The following PCSK5 variants were observed in gnomAD, a reference collection of about 807,000 sequenced individuals.
PCSK5 encodes proprotein convertase subtilisin/kexin type 5.
Under a neutral mutation model 233.2 loss-of-function variants are expected in PCSK5, and 129 were observed. That is an observed-to-expected ratio of 0.55 (90% confidence interval 0.48 to 0.64). The LOEUF is 0.64. Ranked by LOEUF, PCSK5 falls within the 30% of genes least tolerant of loss-of-function variation. The pLI is 0.00. For missense variants in PCSK5, 2,076 were observed against 2,430.1 expected, an observed-to-expected ratio of 0.85 and a Z score of 3.06; for synonymous variants, 825 against 879.2, an observed-to-expected ratio of 0.94 and a Z score of 1.09.
intron 36 of PCSK5, among the ~76,000 whole-genome samples, chr9:76,353,358 C>T (rs1380549502): frequency 6.6e-6 from 1 of 152,196 alleles, no homozygotes; most frequent in African/African-American, 2.4e-5. Flanking sequence ...AGCTACACAG[C>T]CACAACCTAT....
chr9:76,343,082 G>A (rs1456308027), intron 35 of PCSK5, among the ~76,000 whole-genome samples: 1 of 151,766 alleles, frequency 6.6e-6, no homozygotes. Context: ...TCTTCCATAT[G>A]CTCTTAGACT....
chr9:75,960,904 A>G (rs1825325009), intron 2 of PCSK5, among the ~76,000 whole-genome samples: 1 of 152,214 alleles, frequency 6.6e-6, no homozygotes, highest in African/African-American at 2.4e-5. Flanking sequence ...TACCCTGTAC[A>G]GTGATGAAGA....
intron 2 of PCSK5, 116 bp downstream of exon 2, chr9:75,932,599 A>G: frequency 2.9e-6 from 2 of 686,078 alleles, no homozygotes; most frequent in South Asian, 1.8e-5. Flanking sequence ...GAACTGTCAT[A>G]TTATCCTTTG....
Position 75,968,896 on chromosome 9 carries a change from C to T in PCSK5, c.298-17236C>T, listed in dbSNP as rs1025788743. 2.6e-5 allele frequency among the ~76,000 whole-genome samples: 4 copies of T among 152,088 alleles called. No individual in the cohort carries two copies. The East Asian group carries it at 7.7e-4, about 29-fold the overall frequency. Reference sequence around the variant, plus strand: ...CTTGATTATTTATCATCATAGATGTCGTTATGTACATTACCTACTTGTTTT... The same window carrying T: ...CTTGATTATTTATCATCATAGATGTTGTTATGTACATTACCTACTTGTTTT... On this transcript the variant is annotated intron_variant, in intron 2 of 37. Transcript: ENST00000674117.
intron 20 of PCSK5, among the ~76,000 whole-genome samples, chr9:76,224,624 T>C (rs1484670816): frequency 6.6e-6 from 1 of 152,140 alleles, no homozygotes; most frequent in Non-Finnish European, 1.5e-5. Context: ...ACTTATAGTA[T>C]GGCATAAGAA....
chr9:76,066,194 T>C (rs1830281390), intron 5 of PCSK5, among the ~76,000 whole-genome samples: 1 of 152,216 alleles, frequency 6.6e-6, no homozygotes, highest in African/African-American at 2.4e-5. Context: ...TTGATAGGGA[T>C]TGCATTGAAT....
At position 76,071,978 on chromosome 9, in the gene PCSK5, G is replaced by A. The variant is rs568242262; in HGVS notation, c.894+80G>A. Reference sequence around the variant, plus strand: ...ATGAAGAATCTATGGGTTTCCAGCTGCAGTCTAGAGAACTGGATGGAGCTC... The same window carrying A: ...ATGAAGAATCTATGGGTTTCCAGCTACAGTCTAGAGAACTGGATGGAGCTC... On this transcript the variant is annotated intron_variant, in intron 7 of 37. Transcript: ENST00000674117. 11 of 1,381,224 alleles carry A rather than the reference G, an allele frequency of 8.0e-6. No homozygotes were observed. The East Asian group carries it at 2.4e-4, about 30-fold the overall frequency. The allele number at this position is 1,381,224 out of a possible 1,614,324, so 85.6% of individuals were successfully genotyped here.
chr9:76,099,079 A>G (rs567865139), intron 8 of PCSK5, among the ~76,000 whole-genome samples: 3 of 152,226 alleles, frequency 2.0e-5, no homozygotes, highest in Non-Finnish European at 4.4e-5. Context: ...GACTCACTCT[A>G]TGTATTTAAC....
chr9:76,012,995 C>T (rs923291046), intron 3 of PCSK5, among the ~76,000 whole-genome samples: 24 of 152,018 alleles, frequency 1.6e-4, no homozygotes, highest in African/African-American at 5.8e-4. Flanking sequence ...CCAGTAATCT[C>T]GTAGATCTAG....
At chr9:76,109,427 C>G (rs1056944326) in intron 9 of PCSK5, among the ~76,000 whole-genome samples, 1 of 68,028 alleles carries the variant, frequency 1.5e-5, no homozygotes, top group Admixed American at 2.0e-4. Flanking sequence ...TACTGTAACA[C>G]TATTATTTTT....
rs554567645 is a variant in PCSK5 at position 76,147,342 on chromosome 9, G to T, written c.1313-9703G>T. 4.6e-5 allele frequency among the ~76,000 whole-genome samples: 7 copies of T among 152,292 alleles called. No individual in the cohort carries two copies. The South Asian group carries it at 1.5e-3, about 32-fold the overall frequency. On this transcript the variant is annotated intron_variant, in intron 10 of 37. Transcript: ENST00000674117. ...AGATACTGACATCATATACTGTGCA[G>T]TCAACTCTCATTTCTTTTGCTCCTG...
At chr9:76,022,134 C>T (rs1026449553) in intron 3 of PCSK5, among the ~76,000 whole-genome samples, 1 of 152,174 alleles carries the variant, frequency 6.6e-6, no homozygotes, top group African/African-American at 2.4e-5. Context: ...TCAGCATTCA[C>T]CATCATATCA....
rs756286790 is a variant in PCSK5, at chr9:76,239,059, A to G, written c.2967A>G (p.Pro989=). 34 of 1,611,476 alleles carry G rather than the reference A, an allele frequency of 2.1e-5. 1 individual carries two copies. The highest frequency in any genetic ancestry group is 1.3e-4 in the African/African-American group (10 of 74,936). The change falls in exon 23 of 38, where the codon CCA becomes CCG. Residue 989 remains proline, a synonymous_variant. Transcript: ENST00000674117. ...AGGGGAACACCTGCCTGCCCTGCCCAGACAACTGTGAGCTTTGCCACAGCG... is the reference window on the plus strand; with the variant it reads ...AGGGGAACACCTGCCTGCCCTGCCCGGACAACTGTGAGCTTTGCCACAGCG... ...ATEGNTCLPC[P]DNCELCHSVH...
At chr9:75,918,205 T>C (rs1319031013) in intron 1 of PCSK5, among the ~76,000 whole-genome samples, 1 of 152,196 alleles carries the variant, frequency 6.6e-6, no homozygotes, top group African/African-American at 2.4e-5. Context: ...TATAGATTGG[T>C]TGGGTATATG....
intron 35 of PCSK5, among the ~76,000 whole-genome samples, chr9:76,347,843 T>C (rs2803405): frequency 0.79 from 120,537 of 151,916 alleles, 49,159 homozygotes; most frequent in East Asian, 0.89. Flanking sequence ...TGGACTGTTC[T>C]CCCTCTTTTA....
chr9:76,033,327 A>G (rs1003299601), intron 5 of PCSK5, among the ~76,000 whole-genome samples: 11 of 152,248 alleles, frequency 7.2e-5, no homozygotes, highest in Admixed American at 2.0e-4. Context: ...TTGGCCAAAT[A>G]TGTTAAGATA....
rs554746372 is a variant in PCSK5, at chr9:76,029,849, G to A, written c.632+2812G>A. Among the ~76,000 whole-genome samples the A allele has an allele frequency of 5.5e-4, 83 of 152,260 alleles. 3 individuals carry two copies. In the South Asian group the frequency reaches 0.016, roughly 30 times the overall value. ...GGCTATTATTGACTTTACAAGTCAAGTTTGATTCCTTAAAGGAAAGCATGC... is the reference window on the plus strand; with the variant it reads ...GGCTATTATTGACTTTACAAGTCAAATTTGATTCCTTAAAGGAAAGCATGC... On this transcript the variant is annotated intron_variant, in intron 5 of 37. Transcript: ENST00000674117.
chr9:75,933,304 G>C (rs1823893980), intron 2 of PCSK5, among the ~76,000 whole-genome samples: 1 of 152,184 alleles, frequency 6.6e-6, no homozygotes, highest in Non-Finnish European at 1.5e-5. Context: ...GATGTGTCAA[G>C]TAAAGGGGAA....
chr9:75,928,388 C>T (rs905755798), intron 1 of PCSK5, among the ~76,000 whole-genome samples: 4 of 151,640 alleles, frequency 2.6e-5, no homozygotes, highest in Non-Finnish European at 5.9e-5. Flanking sequence ...GATGGAATGC[C>T]TGCTTATAGA....
Sources: allele counts gnomAD v4.1 joint callset (sites outside exome capture counted in the v4.1 genomes callset), GRCh38; gene constraint gnomAD v4.1.1; transcripts MANE v1.5; gene names NCBI Gene and HGNC (gene_info 2026-07-23, HGNC 2026-07-21).